Variants in ZFHX3 observed in about 807,000 individuals in gnomAD.
The protein encoded by ZFHX3 is zinc finger homeobox 3.
In ZFHX3, 42 loss-of-function variants were observed where a neutral mutation model predicts 279.1. The ratio of observed to expected loss-of-function variants is 0.15; its 90% CI spans 0.12 to 0.19. The LOEUF (loss-of-function observed/expected upper bound fraction) is 0.19. Among genes scored for constraint, ZFHX3 ranks in the 10% least tolerant of loss-of-function variants. The pLI is 1.00. For missense variants in ZFHX3, 4,981 were observed against 4,754.0 expected (o/e 1.05, Z -1.40); for synonymous variants, 2,293 against 1,957.8 (o/e 1.17, Z -4.52).
At chr16:73,834,219 T>A (rs1363889331) in intron 1 of ZFHX3, among the ~76,000 whole-genome samples, 1 of 152,200 alleles carries the variant, frequency 6.6e-6, no homozygotes, top group African/African-American at 2.4e-5. Flanking sequence ...TCTTTTTCCA[T>A]GAAACACATT....
intron 1 of ZFHX3, among the ~76,000 whole-genome samples, chr16:73,012,868 G>C (rs1032936485): frequency 6.6e-6 from 1 of 152,084 alleles, no homozygotes; most frequent in Non-Finnish European, 1.5e-5. Flanking sequence ...ATTCCATATG[G>C]TTCAAATACA....
At chr16:73,201,152 G>C (rs936878193) in intron 5 of ZFHX3, among the ~76,000 whole-genome samples, 36 of 152,222 alleles carry the variant, frequency 2.4e-4, no homozygotes, top group African/African-American at 8.2e-4. Flanking sequence ...AGCTGAGACA[G>C]TGAGAGCCAA....
At chr16:73,210,306 C>T (rs937174635) in intron 5 of ZFHX3, among the ~76,000 whole-genome samples, 5 of 152,110 alleles carry the variant, frequency 3.3e-5, no homozygotes, top group African/African-American at 7.2e-5. Context: ...CCCATACAAA[C>T]GGCAAGGGAT....
At chr16:73,590,908 TG>T (rs1428327074) in intron 2 of ZFHX3, among the ~76,000 whole-genome samples, 2 of 151,904 alleles carry the variant, frequency 1.3e-5, no homozygotes, top group African/African-American at 4.8e-5. Flanking sequence ...AAGTAATTTT[TG>T]GGAAAAAAAA....
intron 1 of ZFHX3, among the ~76,000 whole-genome samples, chr16:73,736,684 T>A (rs1486282599): frequency 6.6e-6 from 1 of 152,172 alleles, no homozygotes; most frequent in Non-Finnish European, 1.5e-5. Context: ...CTTGCAAGGA[T>A]CACATCAGAT....
chr16:73,263,627 T>C (rs1417306899), intron 4 of ZFHX3, among the ~76,000 whole-genome samples: 1 of 152,186 alleles, frequency 6.6e-6, no homozygotes, highest in East Asian at 1.9e-4. Flanking sequence ...GGGATAAATG[T>C]ATGACCTCCA....
At chr16:73,814,924 G>T (rs1045548974) in intron 1 of ZFHX3, among the ~76,000 whole-genome samples, 1 of 151,968 alleles carries the variant, frequency 6.6e-6, no homozygotes, top group Non-Finnish European at 1.5e-5. Flanking sequence ...GAAACACTAG[G>T]ATTTATCATG....
intron 3 of ZFHX3, among the ~76,000 whole-genome samples, chr16:73,334,002 G>A (rs893081275): frequency 6.6e-6 from 1 of 152,078 alleles, no homozygotes; most frequent in African/African-American, 2.4e-5. Context: ...GAGAATGGGT[G>A]ATGCACCCAC....
chr16:73,888,971 G>A (rs1407444228), intron 1 of ZFHX3, among the ~76,000 whole-genome samples: 2 of 141,550 alleles, frequency 1.4e-5, no homozygotes, highest in African/African-American at 5.3e-5. Context: ...CTGAGATAAA[G>A]ACCCAATCTG....
At chr16:72,964,613 C>T (rs573665046) in intron 1 of ZFHX3, among the ~76,000 whole-genome samples, 1 of 151,000 alleles carries the variant, frequency 6.6e-6, no homozygotes, top group Non-Finnish European at 1.5e-5. Context: ...CTGCAGTGAG[C>T]TACGATCGGG....
rs529686314 is a variant in ZFHX3 at position 72,924,742 on chromosome 16, T to C, written c.3216+25727A>G. 6.6e-5 allele frequency among the ~76,000 whole-genome samples: 10 copies of C among 152,376 alleles called. No individual in the cohort carries two copies. The South Asian group carries it at 2.1e-3, about 32-fold the overall frequency. ...TGTTAATGTGTGATTAATTCTGTCATGGGTTAGAGCAAGGAGAATTAGTTA... is the reference window on the plus strand; with the variant it reads ...TGTTAATGTGTGATTAATTCTGTCACGGGTTAGAGCAAGGAGAATTAGTTA... On this transcript the variant is annotated intron_variant, in intron 3 of 9. Coordinates refer to ENST00000268489, the MANE Select transcript of ZFHX3 (RefSeq NM_006885.4).
intron 2 of ZFHX3, among the ~76,000 whole-genome samples, chr16:73,635,983 CT>C (rs1567538943): frequency 6.6e-6 from 1 of 152,132 alleles, no homozygotes; most frequent in African/African-American, 2.4e-5. Context: ...TAGTCATTTC[CT>C]CTTAGCATCA....
chr16:73,871,785 A>C (rs1482098865), intron 1 of ZFHX3, among the ~76,000 whole-genome samples: 3 of 152,224 alleles, frequency 2.0e-5, no homozygotes, highest in African/African-American at 7.2e-5. Flanking sequence ...GTTGTTTCAT[A>C]GTGAGACCAT....
At chr16:72,843,214 A>G (rs2037388254) in intron 4 of ZFHX3, among the ~76,000 whole-genome samples, 1 of 152,130 alleles carries the variant, frequency 6.6e-6, no homozygotes, top group Admixed American at 6.5e-5. Flanking sequence ...ATAGGGCTCC[A>G]AAGCCACACA....
intron 2 of ZFHX3, among the ~76,000 whole-genome samples, chr16:73,675,869 A>AG (rs968013586): frequency 1.3e-5 from 2 of 152,206 alleles, no homozygotes; most frequent in African/African-American, 4.8e-5. Flanking sequence ...CTAAAAAAAA[A>AG]TCAGCCTTGC....
chr16:72,879,303 G>A (rs551765651), intron 4 of ZFHX3, among the ~76,000 whole-genome samples: 1 of 152,114 alleles, frequency 6.6e-6, no homozygotes, highest in African/African-American at 2.4e-5. Context: ...TACCCTAATG[G>A]GTCATAGAAA....
intron 5 of ZFHX3, among the ~76,000 whole-genome samples, chr16:73,201,123 G>C (rs978236617): frequency 6.6e-6 from 1 of 152,184 alleles, no homozygotes; most frequent in Non-Finnish European, 1.5e-5. Context: ...ACACCACCTT[G>C]TCTACAGTGA....
intron 6 of ZFHX3, among the ~76,000 whole-genome samples, chr16:73,131,596 C>T (rs967536825): frequency 6.6e-6 from 1 of 152,128 alleles, no homozygotes; most frequent in Non-Finnish European, 1.5e-5. Context: ...ACACAGTGAG[C>T]CTCACAGGGT....
chr16:73,855,490 G>A (rs1336850637), intron 1 of ZFHX3, among the ~76,000 whole-genome samples: 2 of 151,050 alleles, frequency 1.3e-5, no homozygotes, highest in Non-Finnish European at 2.9e-5. Flanking sequence ...CCAGTAACAC[G>A]GGGTTTTTTC....
Sources: allele counts gnomAD v4.1 joint callset (sites outside exome capture counted in the v4.1 genomes callset), GRCh38; gene constraint gnomAD v4.1.1; transcripts MANE v1.5; gene names NCBI Gene and HGNC (gene_info 2026-07-23, HGNC 2026-07-21).